SORCS2: variants seen among roughly 807,000 people sequenced by gnomAD.
The protein encoded by SORCS2 is sortilin related VPS10 domain containing receptor 2.
SORCS2 carries 100 observed loss-of-function variants against 141.6 expected under a neutral mutation model. The observed-to-expected ratio is 0.71, with a 90% CI of 0.60 to 0.83. SORCS2 has a LOEUF of 0.83. Among genes scored for constraint, SORCS2 ranks in the 40% least tolerant of loss-of-function variants. The pLI, the probability that SORCS2 is intolerant of heterozygous loss-of-function variation, is 0.00. For missense variants in SORCS2, 1,646 were observed against 1,560.2 expected, an observed-to-expected ratio of 1.05 and a Z score of -0.93; for synonymous variants, 789 against 676.9, an observed-to-expected ratio of 1.17 and a Z score of -2.57.
rs192736384 is a variant in SORCS2 at position 7,480,778 on chromosome 4, G to T, written c.549-50752G>T. Among the ~76,000 whole-genome samples, 64 of 152,358 alleles carry T rather than the reference G, an allele frequency of 4.2e-4. 1 individual carries two copies. Among genetic ancestry groups the T allele is most frequent in the Middle Eastern group, 3.4e-3 (1 of 294 alleles). On this transcript the variant is annotated intron_variant, in intron 2 of 26. Transcript: ENST00000507866. ...CCACCCGCCCCAGGCTCCCCAGCTC[G>T]CCAGGGCCGCAGGCCGGTGCCTTGG...
chr4:7,390,928 C>T (rs1020841680), intron 1 of SORCS2, among the ~76,000 whole-genome samples: 3 of 152,278 alleles, frequency 2.0e-5, no homozygotes, highest in Admixed American at 2.0e-4. Flanking sequence ...GGTGGAGAAA[C>T]CGCGAACTCT....
intron 2 of SORCS2, among the ~76,000 whole-genome samples, chr4:7,409,578 C>T (rs1021954254): frequency 8.5e-5 from 13 of 152,184 alleles, no homozygotes; most frequent in African/African-American, 2.9e-4. Flanking sequence ...GGAACAGTCT[C>T]CCGCCAGAGA....
At chr4:7,582,177 C>T (rs993659012) in intron 3 of SORCS2, among the ~76,000 whole-genome samples, 3 of 152,080 alleles carry the variant, frequency 2.0e-5, no homozygotes, top group African/African-American at 7.2e-5. Context: ...GAAATGAAGG[C>T]GTTATTATTC....
chr4:7,383,891 TACCAAGACCC>T (rs1723138199), intron 1 of SORCS2, among the ~76,000 whole-genome samples: 1 of 152,234 alleles, frequency 6.6e-6, no homozygotes, highest in South Asian at 2.1e-4. Flanking sequence ...TGGAAAAGTC[TACCAAGACCC>T]ACCTATTAAA....
In SORCS2 at chr4:7,511,480, A is replaced by AG. The variant is rs11362691; in HGVS notation, c.549-20043dup. ...CACAGATACACACACAACTTGGGGG[A>AG]GGGGGGGTGGAGAGAGAGACAGAGA... On this transcript the variant is annotated intron_variant, in intron 2 of 26. Transcript: ENST00000507866. Among the ~76,000 whole-genome samples, 18 of 132,144 alleles carry AG rather than the reference A, an allele frequency of 1.4e-4. 1 individual carries two copies. Among genetic ancestry groups the AG allele is most frequent in the Non-Finnish European group, 1.1e-4 (7 of 62,508 alleles). 86.7% of individuals were successfully genotyped at this position (132,144 alleles called of 152,430 possible).
intron 2 of SORCS2, among the ~76,000 whole-genome samples, chr4:7,454,930 T>TCC: frequency 7.3e-6 from 1 of 136,346 alleles, no homozygotes. Context: ...TCAGGTGCTG[T>TCC]GTGTTGGGGT....
chr4:7,606,574 C>T (rs1718078427), intron 3 of SORCS2, among the ~76,000 whole-genome samples: 2 of 152,090 alleles, frequency 1.3e-5, no homozygotes, highest in African/African-American at 4.8e-5. Context: ...CCTGAACCTC[C>T]TCAGGAACAG....
At chr4:7,225,178 C>A (rs1317603799) in intron 1 of SORCS2, among the ~76,000 whole-genome samples, 6 of 152,222 alleles carry the variant, frequency 3.9e-5, no homozygotes. Context: ...GTGCTGCACA[C>A]ACATTTCTGC....
chr4:7,349,605 T>C (rs1720826482), intron 1 of SORCS2, among the ~76,000 whole-genome samples: 1 of 152,180 alleles, frequency 6.6e-6, no homozygotes, highest in Non-Finnish European at 1.5e-5. Flanking sequence ...TGCTCTGGCA[T>C]GTCCTTCGCC....
intron 4 of SORCS2, among the ~76,000 whole-genome samples, chr4:7,644,129 C>T (rs914577510): frequency 6.6e-6 from 1 of 152,152 alleles, no homozygotes; most frequent in Non-Finnish European, 1.5e-5. Flanking sequence ...TTACACTAGA[C>T]CCCCCTTCCC....
chr4:7,659,289 G>GAA (rs1215109826), intron 5 of SORCS2, among the ~76,000 whole-genome samples: 25 of 138,524 alleles, frequency 1.8e-4, no homozygotes, highest in African/African-American at 6.1e-4. Flanking sequence ...AAAAAAAAAA[G>GAA]AAAAAAAAAA....
At chr4:7,496,242 A>G (rs1022491316) in intron 2 of SORCS2, among the ~76,000 whole-genome samples, 3 of 152,248 alleles carry the variant, frequency 2.0e-5, no homozygotes, top group Middle Eastern at 3.4e-3. Context: ...GGAACCTGCA[A>G]AGAACTTCTG....
intron 1 of SORCS2, among the ~76,000 whole-genome samples, chr4:7,344,548 G>A (rs1720545305): frequency 6.6e-6 from 1 of 152,256 alleles, no homozygotes; most frequent in African/African-American, 2.4e-5. Flanking sequence ...CCCATCAGGG[G>A]CTGGGAATTC....
chr4:7,203,551 T>G (rs1037221522), intron 1 of SORCS2, among the ~76,000 whole-genome samples: 1 of 148,320 alleles, frequency 6.7e-6, no homozygotes, highest in African/African-American at 2.5e-5. Flanking sequence ...GAGACGGAGA[T>G]TGCAGTGAGC....
intron 1 of SORCS2, among the ~76,000 whole-genome samples, chr4:7,393,130 C>A (rs1043860708): frequency 6.6e-6 from 1 of 152,086 alleles, no homozygotes; most frequent in African/African-American, 2.4e-5. Flanking sequence ...TGATGAGTGG[C>A]AGCCGCGGCC....
intron 1 of SORCS2, among the ~76,000 whole-genome samples, chr4:7,375,844 T>C (rs1218124734): frequency 6.6e-6 from 1 of 152,204 alleles, no homozygotes; most frequent in African/African-American, 2.4e-5. Flanking sequence ...AAGTGGCTTC[T>C]TCCTGTGTCT....
At chr4:7,595,728 C>T (rs919507288) in intron 3 of SORCS2, among the ~76,000 whole-genome samples, 13 of 152,174 alleles carry the variant, frequency 8.5e-5, no homozygotes, top group Non-Finnish European at 1.2e-4. Context: ...GTGTTCAGTT[C>T]AGATTTGCTG....
chr4:7,725,871 GAC>G (rs752215722), intron 20 of SORCS2, among the ~76,000 whole-genome samples: 6 of 152,236 alleles, frequency 3.9e-5, no homozygotes, highest in Non-Finnish European at 7.3e-5. Context: ...TGACGGCCCT[GAC>G]ACAGAGCCCC....
chr4:7,526,262 G>T (rs759658556), intron 2 of SORCS2, among the ~76,000 whole-genome samples: 1 of 152,250 alleles, frequency 6.6e-6, no homozygotes, highest in African/African-American at 2.4e-5. Context: ...TTGGCACGTT[G>T]TCCAGACCGG....
Sources: gnomAD v4.1 joint callset for allele counts (sites outside exome capture counted in the v4.1 genomes callset) on GRCh38, gnomAD v4.1.1 for gene constraint, MANE v1.5 for transcripts, NCBI Gene and HGNC (gene_info 2026-07-23, HGNC 2026-07-21) for gene names.